The following CRNKL1 variants were observed in gnomAD, a reference collection of about 807,000 sequenced individuals.
CRNKL1 encodes crooked neck pre-mRNA splicing factor 1.
CRNKL1 carries 35 observed loss-of-function variants against 103.7 expected under a neutral mutation model. The ratio of observed to expected loss-of-function variants is 0.34; its 90% CI spans 0.26 to 0.45. The LOEUF (loss-of-function observed/expected upper bound fraction) is 0.45. Ranked by LOEUF, CRNKL1 falls within the 20% of genes least tolerant of loss-of-function variation. CRNKL1 has a pLI of 1.00. For synonymous variants in CRNKL1, 267 were observed against 282.6 expected (o/e 0.94, Z 0.55); for missense variants, 645 against 836.0 (o/e 0.77, Z 2.82).
intron 13 of CRNKL1, among the ~76,000 whole-genome samples, chr20:20,036,805 C>A (rs2043425876): frequency 6.6e-6 from 1 of 152,248 alleles, no homozygotes; most frequent in Non-Finnish European, 1.5e-5. Flanking sequence ...GGCCCTGTGG[C>A]CCTGTTCTAG....
chr20:20,038,782 C>G (rs1446132667), intron 11 of CRNKL1, among the ~76,000 whole-genome samples: 5 of 152,186 alleles, frequency 3.3e-5, no homozygotes, highest in Admixed American at 3.3e-4. Context: ...ATTGAGCGTC[C>G]AGAGAGAAAA....
At chr20:20,043,746 TA>T (rs749813957) in intron 6 of CRNKL1, 84 bp from the exon 7 acceptor site, 77 of 1,299,328 alleles carry the variant, frequency 5.9e-5, no homozygotes, top group Non-Finnish European at 7.5e-5. Context: ...AACAAAATAT[TA>T]CTTATAAGTT....
Position 20,037,536 on chromosome 20 carries a change from T to C in CRNKL1, c.1683A>G (p.Ser561=), listed in dbSNP as rs2043440518. ...WISFAQFELS[S]GKEGSLTKCR... ...ATTTAGTCAAACTTCCTTCTTTTCC[T>C]GAAGACAACTCAAACTGAGCAAAGC... Residue 561 remains serine (S), a synonymous_variant, in exon 13 of 14, where the codon TCA becomes TCG. Transcript: ENST00000536226. 1 of 1,614,136 alleles carries C rather than the reference T, an allele frequency of 6.2e-7. No homozygotes were observed. Among genetic ancestry groups the C allele is most frequent in the Non-Finnish European group, 8.5e-7 (1 of 1,180,022 alleles).
In CRNKL1 at chr20:20,039,709, C is replaced by T; in HGVS notation, c.1445G>A (p.Trp482Ter). Residue 482 changes from tryptophan to a stop codon, truncating the protein, a stop_gained, in exon 11 of 14, where the codon TGG becomes TAG. Transcript: ENST00000536226. LOFTEE classifies it high-confidence loss of function. ...TGTCTCTAATTCAGCGAATTTAATC[C>T]ATGAGGTACAATTTTCAGGTCCAAA... ...LEFGPENCTS[W>*]IKFAELETIL... The T allele has an allele frequency of 6.2e-7, 1 of 1,614,168 alleles. No homozygotes were observed. The highest frequency in any genetic ancestry group is 8.5e-7 in the Non-Finnish European group (1 of 1,180,024).
intron 3 of CRNKL1, among the ~76,000 whole-genome samples, chr20:20,048,852 G>A (rs1025897655): frequency 2.0e-5 from 3 of 152,044 alleles, no homozygotes; most frequent in African/African-American, 7.2e-5. Context: ...GGTGAGGAGG[G>A]GGTGCTCATT....
intron 9 of CRNKL1, 24 bp from the exon 10 acceptor site, chr20:20,040,790 A>G (rs375528417): frequency 5.1e-4 from 763 of 1,510,398 alleles, no homozygotes; most frequent in Non-Finnish European, 6.7e-4. Context: ...GCACAAAAAT[A>G]TCTAGCTTAA....
At chr20:20,042,593 G>T in intron 7 of CRNKL1, 77 bp from the exon 8 acceptor site, 1 of 1,354,582 alleles carries the variant, frequency 7.4e-7, no homozygotes, top group South Asian at 1.4e-5. Flanking sequence ...GCTGAAAAAA[G>T]GCATCAGGCT....
Position 20,041,484 on chromosome 20 carries a change from A to G in CRNKL1, c.1224+82T>C, listed in dbSNP as rs561347940. On this transcript the variant is annotated intron_variant, in intron 9 of 13. Coordinates refer to ENST00000536226, the MANE Select transcript of CRNKL1 (RefSeq NM_001278628.2). ...GGACAGGGAAGCATTTTATCAATCA[A>G]TATTATTTCACTGAATTACTTCACA... 438 of 1,097,566 alleles carry G rather than the reference A, an allele frequency of 4.0e-4. 4 individuals are homozygous for G. In the South Asian group the frequency reaches 5.3e-3, roughly 13 times the overall value. 68.0% of individuals were successfully genotyped at this position (1,097,566 alleles called of 1,614,324 possible).
intron 8 of CRNKL1, 99 bp from the exon 9 acceptor site, chr20:20,041,724 C>A: frequency 1.2e-6 from 1 of 819,996 alleles, no homozygotes; most frequent in East Asian, 2.6e-5. Context: ...AAATGTACAC[C>A]CCCAAAACAG....
intron 6 of CRNKL1, among the ~76,000 whole-genome samples, chr20:20,044,931 G>A (rs2043571719): frequency 6.6e-6 from 1 of 152,040 alleles, no homozygotes. Context: ...TTATTTGTAG[G>A]GCAATCTCTG....
At chr20:20,047,989 G>T in intron 4 of CRNKL1, 58 bp from the exon 5 acceptor site, 1 of 1,532,616 alleles carries the variant, frequency 6.5e-7, no homozygotes, top group Non-Finnish European at 8.9e-7. Flanking sequence ...TTGTTGAATG[G>T]GAAGAAGATT....
intron 11 of CRNKL1, 142 bp from the exon 12 acceptor site, chr20:20,038,592 G>A: frequency 1.8e-6 from 1 of 550,498 alleles, no homozygotes; most frequent in Non-Finnish European, 3.2e-6. Context: ...ATGTGGATAA[G>A]ATAAATAACA....
upstream of CRNKL1, chr20:20,052,528 G>A (rs150473222): frequency 7.2e-5 from 116 of 1,614,246 alleles, no homozygotes; most frequent in African/African-American, 1.2e-3. Flanking sequence ...TTTCCATGGT[G>A]ACCAGGCTGC....
At chr20:20,047,968 T>C in intron 4 of CRNKL1, 37 bp from the exon 5 acceptor site, 2 of 1,591,218 alleles carry the variant, frequency 1.3e-6, no homozygotes, top group Non-Finnish European at 1.7e-6. Context: ...TGCTGTGGTT[T>C]AGTTCTTCCA....
intron 3 of CRNKL1, 41 bp downstream of exon 3, chr20:20,049,299 A>C: frequency 9.4e-7 from 1 of 1,065,174 alleles, no homozygotes; most frequent in Non-Finnish European, 1.4e-6. Flanking sequence ...CTGTTAATCT[A>C]TGAATCATTA....
At chr20:20,053,782 G>A (rs1028369329), upstream of CRNKL1, among the ~76,000 whole-genome samples, 6 of 151,976 alleles carry the variant, frequency 3.9e-5, no homozygotes, top group African/African-American at 1.4e-4. Flanking sequence ...CTTTCATAAA[G>A]CCACCTAACA....
upstream of CRNKL1, chr20:20,052,623 C>T (rs771448769): frequency 5.9e-5 from 96 of 1,613,686 alleles, 1 homozygote; most frequent in Middle Eastern, 1.7e-3. Flanking sequence ...AGCAGCGACG[C>T]AAGGACTGCG....
At chr20:20,048,136 A>T (rs2043624483) in intron 4 of CRNKL1, among the ~76,000 whole-genome samples, 1 of 152,246 alleles carries the variant, frequency 6.6e-6, no homozygotes, top group South Asian at 2.1e-4. Flanking sequence ...CTTATGAATA[A>T]AAGATTGCAA....
At chr20:20,040,428 A>G (rs1194004323) in intron 10 of CRNKL1, among the ~76,000 whole-genome samples, 1 of 152,222 alleles carries the variant, frequency 6.6e-6, no homozygotes, top group Non-Finnish European at 1.5e-5. Flanking sequence ...CAGTCTGTGG[A>G]AAGATTTAGT....
Sources: gnomAD v4.1 joint callset for allele counts (sites outside exome capture counted in the v4.1 genomes callset) on GRCh38, gnomAD v4.1.1 for gene constraint, MANE v1.5 for transcripts, NCBI Gene and HGNC (gene_info 2026-07-23, HGNC 2026-07-21) for gene names.